The following GRIN2A variants were observed in gnomAD, a reference collection of about 807,000 sequenced individuals.
GRIN2A encodes the protein glutamate ionotropic receptor NMDA type subunit 2A.
In GRIN2A, 22 loss-of-function variants were observed where a neutral mutation model predicts 113.4. The ratio of observed to expected loss-of-function variants is 0.19; its 90% CI spans 0.14 to 0.28. The LOEUF (loss-of-function observed/expected upper bound fraction) is 0.28, where lower values mean the gene tolerates loss of function less well. Ranked by LOEUF, GRIN2A falls within the 10% of genes least tolerant of loss-of-function variation. GRIN2A has a pLI of 1.00. For synonymous variants in GRIN2A, 827 were observed against 738.4 expected (o/e 1.12, Z -1.94); for missense variants, 1,502 against 1,887.0 (o/e 0.80, Z 3.78).
intron 10 of GRIN2A, among the ~76,000 whole-genome samples, chr16:9,819,087 T>C (rs2042235174): frequency 6.6e-6 from 1 of 152,120 alleles, no homozygotes; most frequent in African/African-American, 2.4e-5. Flanking sequence ...GAAGAACATA[T>C]TGGAAGGATA....
At chr16:9,767,368 C>T (rs1340668876) in intron 12 of GRIN2A, among the ~76,000 whole-genome samples, 2 of 152,256 alleles carry the variant, frequency 1.3e-5, no homozygotes, top group East Asian at 1.9e-4. Flanking sequence ...TTAGCTTTCT[C>T]AGTAAACAAT....
At chr16:10,117,104 G>C (rs1444455931) in intron 2 of GRIN2A, among the ~76,000 whole-genome samples, 1 of 151,772 alleles carries the variant, frequency 6.6e-6, no homozygotes, top group Admixed American at 6.6e-5. Flanking sequence ...ATGCACAGGT[G>C]AATTCAGGAC....
rs759783025 is a variant in GRIN2A, at chr16:9,763,458, G to A, written c.4086C>T (p.Thr1362=). 17 of 1,613,906 alleles carry A rather than the reference G, an allele frequency of 1.1e-5. No homozygotes were observed. Among genetic ancestry groups the A allele is most frequent in the Non-Finnish European group, 1.4e-5 (16 of 1,179,930 alleles). Residue 1362 remains threonine (T), a synonymous_variant, in exon 13 of 13, where the codon ACC becomes ACT. Transcript: ENST00000330684. The part of the protein sequence containing the change: ...KRSKSLLPDH[T]SDNPFLHSHR... ...GGGAGTGGAGGAAAGGGTTATCGGA[G>A]GTGTGGTCTGGCAAGAGAGACTTGC...
At chr16:10,170,038 T>C (rs545710980) in intron 2 of GRIN2A, among the ~76,000 whole-genome samples, 1 of 152,314 alleles carries the variant, frequency 6.6e-6, no homozygotes, top group Admixed American at 6.5e-5. Flanking sequence ...ATCATTAACA[T>C]AAATGTATGA....
At chr16:9,846,131 C>A (rs1391037177) in intron 5 of GRIN2A, among the ~76,000 whole-genome samples, 2 of 152,138 alleles carry the variant, frequency 1.3e-5, no homozygotes, top group Admixed American at 6.5e-5. Flanking sequence ...CTGTTTCACA[C>A]AATTATGAAT....
chr16:10,145,712 A>C (rs2049426116), intron 2 of GRIN2A, among the ~76,000 whole-genome samples: 1 of 152,238 alleles, frequency 6.6e-6, no homozygotes, highest in Non-Finnish European at 1.5e-5. Context: ...GCCAGATAGT[A>C]AATGTTTTAG....
At chr16:10,057,517 G>GA (rs950626017) in intron 2 of GRIN2A, among the ~76,000 whole-genome samples, 1 of 151,876 alleles carries the variant, frequency 6.6e-6, no homozygotes, top group Non-Finnish European at 1.5e-5. Context: ...TTCTATGAAG[G>GA]AAAAAAATAC....
chr16:10,088,931 A>T (rs1475534467), intron 2 of GRIN2A, among the ~76,000 whole-genome samples: 1 of 152,230 alleles, frequency 6.6e-6, no homozygotes, highest in Admixed American at 6.5e-5. Flanking sequence ...TTGTTTAACA[A>T]ATAATTATTG....
chr16:10,042,146 C>T (rs2047177197), intron 2 of GRIN2A, among the ~76,000 whole-genome samples: 1 of 152,154 alleles, frequency 6.6e-6, no homozygotes, highest in Admixed American at 6.5e-5. Flanking sequence ...TCTGTTGTAC[C>T]ACACATAAGG....
intron 3 of GRIN2A, among the ~76,000 whole-genome samples, chr16:9,905,571 A>C (rs2044010612): frequency 6.6e-6 from 1 of 152,222 alleles, no homozygotes; most frequent in Admixed American, 6.5e-5. Context: ...AAAAATATTC[A>C]TGTTCCTTCC....
intron 2 of GRIN2A, among the ~76,000 whole-genome samples, chr16:9,948,239 G>A (rs1401240010): frequency 6.6e-6 from 1 of 152,192 alleles, no homozygotes; most frequent in Admixed American, 6.5e-5. Context: ...TAATGTTTCA[G>A]GGAATATTTC....
At chr16:10,107,445 A>C (rs576442506) in intron 2 of GRIN2A, among the ~76,000 whole-genome samples, 1 of 152,220 alleles carries the variant, frequency 6.6e-6, no homozygotes, top group Non-Finnish European at 1.5e-5. Flanking sequence ...AGGTAGTTGC[A>C]TGAGGAGTAC....
intron 10 of GRIN2A, among the ~76,000 whole-genome samples, 160 bp from the exon 11 acceptor site, chr16:9,798,624 A>C (rs1440086866): frequency 6.6e-6 from 1 of 152,200 alleles, no homozygotes; most frequent in African/African-American, 2.4e-5. Context: ...ATCTATTTTT[A>C]ATGAGGAGAT....
chr16:9,976,852 G>A (rs903438912), intron 2 of GRIN2A, among the ~76,000 whole-genome samples: 6 of 152,034 alleles, frequency 3.9e-5, no homozygotes, highest in Non-Finnish European at 5.9e-5. Context: ...ACACCACATC[G>A]CGTGACAAAT....
rs145107684 is a variant in GRIN2A, at chr16:10,132,189, G to A, written c.414+47809C>T. ...TCTTCTAAAAATACAAAAATTAGCC[G>A]GGCGTGGTGGTGCATGCCTGTAATC... On this transcript the variant is annotated intron_variant, in intron 2 of 12. Coordinates refer to ENST00000330684, the MANE Select transcript of GRIN2A (RefSeq NM_001134407.3). 2.1e-3 allele frequency among the ~76,000 whole-genome samples: 319 copies of A among 151,796 alleles called. 1 individual carries two copies. The highest frequency in any genetic ancestry group is 3.8e-3 in the South Asian group (18 of 4,774).
chr16:9,760,882 G>T lies in GRIN2A; in HGVS notation c.*2267C>A, dbSNP rs1900553329. ...AGGTCTGGAATGCACTGGAAGGGCA[G>T]AAGGTAGAAAGGGCTAAAAGGCTAC... On this transcript the variant is annotated 3_prime_UTR_variant, in exon 13 of 13. Transcript: ENST00000330684. 3 of 232,434 alleles carry T rather than the reference G, an allele frequency of 1.3e-5. No homozygotes were observed. Among genetic ancestry groups the T allele is most frequent in the Non-Finnish European group, 2.5e-5 (3 of 117,648 alleles). The allele number at this position is 232,434 out of a possible 1,614,324, so 14.4% of individuals were successfully genotyped here. A position where few individuals can be genotyped will look rare whatever the true frequency, so the allele number is the denominator to read the frequency against.
At position 9,874,063 on chromosome 16, in the gene GRIN2A, T is replaced by G. The variant is rs570470999; in HGVS notation, c.1122+16923A>C. ...TCTTGTTTTTCCCCAACTTTAGATT[T>G]TTTTCTCATGGGCATTTCCAACGGA... is the stretch of plus-strand genomic sequence containing the variant. On this transcript the variant is annotated intron_variant, in intron 4 of 12. Coordinates refer to ENST00000330684, the MANE Select transcript of GRIN2A (RefSeq NM_001134407.3). Among the ~76,000 whole-genome samples the G allele has an allele frequency of 4.6e-5, 7 of 152,306 alleles. No individual in the cohort carries two copies. In the East Asian group the frequency reaches 9.7e-4, roughly 21 times the overall value.
At chr16:10,178,574 A>G (rs935652896) in intron 2 of GRIN2A, among the ~76,000 whole-genome samples, 1 of 152,194 alleles carries the variant, frequency 6.6e-6, no homozygotes, top group Admixed American at 6.5e-5. Flanking sequence ...GAGCCCCCCA[A>G]AACTGAGAAG....
chr16:9,890,058 A>G (rs2043663984), intron 4 of GRIN2A, among the ~76,000 whole-genome samples: 1 of 152,132 alleles, frequency 6.6e-6, no homozygotes, highest in East Asian at 1.9e-4. Flanking sequence ...AGTCAATTAC[A>G]TTATGTCTCC....
Sources: allele counts gnomAD v4.1 joint callset (sites outside exome capture counted in the v4.1 genomes callset), GRCh38; gene constraint gnomAD v4.1.1; transcripts MANE v1.5; gene names NCBI Gene and HGNC (gene_info 2026-07-23, HGNC 2026-07-21).